The following MYO1E variants were observed in gnomAD, a reference collection of about 807,000 sequenced individuals.
MYO1E encodes the protein myosin IE, also known as unconventional myosin-Ie.
Under a neutral mutation model 151.1 loss-of-function variants are expected in MYO1E, and 68 were observed. The observed-to-expected ratio is 0.45, with a 90% CI of 0.37 to 0.55. The LOEUF (loss-of-function observed/expected upper bound fraction) is 0.55. Ranked by LOEUF, MYO1E falls within the 20% of genes least tolerant of loss-of-function variation. MYO1E has a pLI of 0.00. For missense variants in MYO1E, 1,363 were observed against 1,389.3 expected, an observed-to-expected ratio of 0.98 and a Z score of 0.30; for synonymous variants, 601 against 501.7, an observed-to-expected ratio of 1.20 and a Z score of -2.64.
chr15:59,175,720 T>C (rs2079620797), intron 19 of MYO1E, among the ~76,000 whole-genome samples: 1 of 152,222 alleles, frequency 6.6e-6, no homozygotes, highest in Non-Finnish European at 1.5e-5. Flanking sequence ...TAAGTCTTGT[T>C]TCCTTCTTCT....
intron 1 of MYO1E, among the ~76,000 whole-genome samples, chr15:59,351,578 A>T (rs1176065341): frequency 6.6e-6 from 1 of 152,210 alleles, no homozygotes; most frequent in Non-Finnish European, 1.5e-5. Context: ...GTGTTACTAG[A>T]AGATGATTGC....
At chr15:59,372,114 G>A (rs1458481033) in intron 1 of MYO1E, among the ~76,000 whole-genome samples, 1 of 150,760 alleles carries the variant, frequency 6.6e-6, no homozygotes, top group Non-Finnish European at 1.5e-5. Flanking sequence ...AGCGGCTGCG[G>A]CGCGAGTCTC....
intron 26 of MYO1E, among the ~76,000 whole-genome samples, chr15:59,149,246 C>CGGGG (rs1259745431): frequency 6.6e-6 from 1 of 151,864 alleles, no homozygotes; most frequent in African/African-American, 2.4e-5. Flanking sequence ...TTAGTGGAGA[C>CGGGG]GGGGTTTCAC....
At chr15:59,172,846 C>T (rs1162754830) in intron 21 of MYO1E, among the ~76,000 whole-genome samples, 4 of 152,202 alleles carry the variant, frequency 2.6e-5, no homozygotes, top group South Asian at 2.1e-4. Flanking sequence ...AGTACCGCTG[C>T]GAGAGCTAAG....
At chr15:59,353,585 G>A (rs369840300) in intron 1 of MYO1E, among the ~76,000 whole-genome samples, 7 of 150,412 alleles carry the variant, frequency 4.7e-5, no homozygotes, top group South Asian at 2.1e-4. Context: ...GAGAAACCCC[G>A]TTTCTACTAA....
intron 7 of MYO1E, among the ~76,000 whole-genome samples, chr15:59,226,195 A>C (rs1277268219): frequency 6.6e-6 from 1 of 152,246 alleles, no homozygotes; most frequent in East Asian, 1.9e-4. Flanking sequence ...CTGAATTCAC[A>C]GAAGTTTTAA....
chr15:59,207,629 A>G, intron 14 of MYO1E: 8 of 1,614,198 alleles, frequency 5.0e-6, no homozygotes, highest in Non-Finnish European at 6.8e-6. Context: ...CTTGGTATCC[A>G]TTCTGAAAGC....
In MYO1E at chr15:59,261,480, G is replaced by T; in HGVS notation, c.177C>A (p.Val59=). 1 of 1,608,648 alleles carries T rather than the reference G, an allele frequency of 6.2e-7. No homozygotes were observed. The highest frequency in any genetic ancestry group is 1.1e-5 in the South Asian group (1 of 90,952). The change falls in exon 3 of 28, where the codon GTC becomes GTA. Residue 59 remains valine (V), a synonymous_variant. Transcript: ENST00000288235. ...FTYIGSVLIS[V]NPFKQMPYFG... ...AATATGGCATCTGCTTGAAAGGGTTGACTGAGATTAATACAGATCCTATAT... is the reference window on the plus strand; with the variant it reads ...AATATGGCATCTGCTTGAAAGGGTTTACTGAGATTAATACAGATCCTATAT...
In MYO1E at chr15:59,210,615, C is replaced by T. The variant is rs768836239; in HGVS notation, c.1276-15G>A. 1.2e-5 allele frequency: 19 copies of T among 1,528,790 alleles called. No homozygotes were observed. The highest frequency in any genetic ancestry group is 2.7e-5 in the African/African-American group (2 of 73,026). The allele number at this position is 1,528,790 out of a possible 1,614,324, so 94.7% of individuals were successfully genotyped here. ...ACATATTCTTCCTGTAACACAGAGA[C>T]AAGGAACTCACATTATTTCCCAGAT... is the stretch of plus-strand genomic sequence containing the variant. On this transcript the variant is annotated splice_polypyrimidine_tract_variant and intron_variant, in intron 12 of 27. Coordinates refer to ENST00000288235, the MANE Select transcript of MYO1E (RefSeq NM_004998.4).
chr15:59,283,157 A>G (rs560061180), intron 1 of MYO1E, among the ~76,000 whole-genome samples: 190 of 151,424 alleles, frequency 1.3e-3, no homozygotes, highest in African/African-American at 4.3e-3. Flanking sequence ...GTAGCTGCGC[A>G]TGCATTTGAA....
chr15:59,171,808 G>A, intron 22 of MYO1E, 89 bp downstream of exon 22: 1 of 1,556,498 alleles, frequency 6.4e-7, no homozygotes, highest in Non-Finnish European at 8.8e-7. Context: ...GGGAAGCCCA[G>A]CCCGGCCTTC....
At chr15:59,150,794 C>T (rs1487193289) in intron 26 of MYO1E, among the ~76,000 whole-genome samples, 1 of 152,120 alleles carries the variant, frequency 6.6e-6, no homozygotes, top group Non-Finnish European at 1.5e-5. Context: ...CACCTGGGAA[C>T]GTGGTACAAA....
chr15:59,361,553 G>A lies in MYO1E; in HGVS notation c.3+10945C>T, dbSNP rs79777654. On this transcript the variant is annotated intron_variant, in intron 1 of 27. Coordinates refer to ENST00000288235, the MANE Select transcript of MYO1E (RefSeq NM_004998.4). The stretch of plus-strand genomic sequence containing the variant: ...GTAATTCTTGGAATGCTACTGTATG[G>A]GCTTCAGGGGTTTATAAACCTCCTG... 8.3e-3 allele frequency among the ~76,000 whole-genome samples: 1,261 copies of A among 152,098 alleles called. 17 individuals carry two copies. Among genetic ancestry groups the A allele is most frequent in the African/African-American group, 0.028 (1,176 of 41,472 alleles).
intron 26 of MYO1E, among the ~76,000 whole-genome samples, chr15:59,143,563 G>A (rs543343602): frequency 1.3e-5 from 2 of 152,282 alleles, no homozygotes; most frequent in African/African-American, 4.8e-5. Context: ...CTAGCAGACA[G>A]GATGTCTTCT....
At chr15:59,330,754 TTTTTAA>T (rs1340874913) in intron 1 of MYO1E, among the ~76,000 whole-genome samples, 8 of 152,170 alleles carry the variant, frequency 5.3e-5, no homozygotes, top group Admixed American at 3.9e-4. Context: ...TCAATGATTA[TTTTTAA>T]TTTTTATTTA....
chr15:59,173,420 G>A (rs1334354411), intron 21 of MYO1E, among the ~76,000 whole-genome samples: 3 of 148,358 alleles, frequency 2.0e-5, no homozygotes, highest in Non-Finnish European at 3.0e-5. Flanking sequence ...TATTACTATC[G>A]AAAATTCTCG....
chr15:59,348,021 T>G (rs2080803892), intron 1 of MYO1E, among the ~76,000 whole-genome samples: 1 of 152,066 alleles, frequency 6.6e-6, no homozygotes, highest in Admixed American at 6.5e-5. Context: ...TGGAATCACC[T>G]GGAACCCTGG....
At chr15:59,358,821 A>C (rs1390383386) in intron 1 of MYO1E, among the ~76,000 whole-genome samples, 1 of 152,166 alleles carries the variant, frequency 6.6e-6, no homozygotes, top group East Asian at 1.9e-4. Context: ...TGATTTTCAA[A>C]CATTTCCAGT....
intron 16 of MYO1E, among the ~76,000 whole-genome samples, chr15:59,199,000 G>A (rs1204306621): frequency 6.6e-6 from 1 of 152,116 alleles, no homozygotes; most frequent in Non-Finnish European, 1.5e-5. Flanking sequence ...TCAATCTTTG[G>A]CTCTAATTTA....
Sources: gnomAD v4.1 joint callset for allele counts (sites outside exome capture counted in the v4.1 genomes callset) on GRCh38, gnomAD v4.1.1 for gene constraint, MANE v1.5 for transcripts, NCBI Gene and HGNC (gene_info 2026-07-23, HGNC 2026-07-21) for gene names.